ATP9B: variants seen among roughly 807,000 people sequenced by gnomAD.
ATP9B encodes the protein ATPase phospholipid transporting 9B.
Under a neutral mutation model 146.1 loss-of-function variants are expected in ATP9B, and 110 were observed. That is an observed-to-expected ratio of 0.75 (90% CI 0.65 to 0.88). ATP9B has a LOEUF of 0.88. ATP9B is among the 40% of genes least tolerant of loss of function. ATP9B has a pLI of 0.00. For missense variants in ATP9B, 1,499 were observed against 1,496.4 expected, an observed-to-expected ratio of 1.00 and a Z score of -0.03; for synonymous variants, 604 against 569.7, an observed-to-expected ratio of 1.06 and a Z score of -0.86.
At chr18:79,205,433 T>G (rs1223626974) in intron 9 of ATP9B, among the ~76,000 whole-genome samples, 4 of 88,856 alleles carry the variant, frequency 4.5e-5, no homozygotes, top group Non-Finnish European at 9.3e-5. Flanking sequence ...ACATGCAGAT[T>G]ATTTTGGAAA....
chr18:79,293,736 A>C (rs147051667), intron 13 of ATP9B, among the ~76,000 whole-genome samples: 1 of 152,248 alleles, frequency 6.6e-6, no homozygotes, highest in East Asian at 1.9e-4. Flanking sequence ...CCTGGCTCCA[A>C]TTAAGTAACT....
intron 17 of ATP9B, among the ~76,000 whole-genome samples, chr18:79,336,196 C>T (rs1220138788): frequency 7.2e-6 from 1 of 138,508 alleles, no homozygotes; most frequent in Non-Finnish European, 1.7e-5. Context: ...GCGCTCCCCT[C>T]GCCTGTCCCC....
chr18:79,215,433 A>G lies in ATP9B; in HGVS notation c.1107+1395A>G, dbSNP rs893407402. ...ATATCTGTGTGTTACATGTTTGCTA[A>G]AGTCAAAGAAGAATGCTGCGTTACT... On this transcript the variant is annotated intron_variant, in intron 11 of 29. Coordinates refer to ENST00000426216, the MANE Select transcript of ATP9B (RefSeq NM_198531.5). Among the ~76,000 whole-genome samples the G allele has an allele frequency of 2.8e-4, 42 of 152,186 alleles. 1 individual carries two copies. Among genetic ancestry groups the G allele is most frequent in the African/African-American group, 9.7e-4 (40 of 41,446 alleles).
At chr18:79,192,097 A>G (rs2095372177) in intron 8 of ATP9B, among the ~76,000 whole-genome samples, 1 of 152,190 alleles carries the variant, frequency 6.6e-6, no homozygotes, top group Non-Finnish European at 1.5e-5. Context: ...GTTAGGTGTC[A>G]GAATGAGATC....
intron 25 of ATP9B, chr18:79,352,593 C>T (rs1471943049): frequency 6.6e-6 from 1 of 152,340 alleles, no homozygotes; most frequent in African/African-American, 2.4e-5. Context: ...CTCAAAACCT[C>T]TGTTTCAACA....
chr18:79,120,298 A>G (rs1474311553), intron 4 of ATP9B, among the ~76,000 whole-genome samples: 1 of 152,232 alleles, frequency 6.6e-6, no homozygotes, highest in African/African-American at 2.4e-5. Flanking sequence ...CCTCTGAGGC[A>G]TAAAACCATT....
At chr18:79,106,252 G>A (rs147686767) in intron 2 of ATP9B, among the ~76,000 whole-genome samples, 28 of 152,278 alleles carry the variant, frequency 1.8e-4, no homozygotes, top group African/African-American at 6.0e-4. Context: ...AAAGCTCCTA[G>A]TTACTGTCTC....
chr18:79,223,091 A>G (rs1283114471), intron 11 of ATP9B, among the ~76,000 whole-genome samples: 1 of 152,202 alleles, frequency 6.6e-6, no homozygotes, highest in Non-Finnish European at 1.5e-5. Context: ...ATGCTTTCAG[A>G]TGTCTCATTG....
chr18:79,254,087 A>T (rs930857685), intron 12 of ATP9B: 5 of 152,206 alleles, frequency 3.3e-5, no homozygotes, highest in African/African-American at 1.2e-4. Flanking sequence ...TATAAACATA[A>T]ATCCATTTTA....
chr18:79,313,855 A>G (rs1232214431), intron 15 of ATP9B, among the ~76,000 whole-genome samples: 2 of 152,200 alleles, frequency 1.3e-5, no homozygotes, highest in Non-Finnish European at 1.5e-5. Context: ...AAATCCCTAA[A>G]ACGTATTTTA....
chr18:79,345,988 C>A (rs1568770215), intron 23 of ATP9B, 149 bp downstream of exon 23: 1 of 878,316 alleles, frequency 1.1e-6, no homozygotes. Flanking sequence ...AAACACTCAG[C>A]ACATGCTTGG....
chr18:79,102,423 A>G (rs495901), intron 2 of ATP9B, among the ~76,000 whole-genome samples: 9,263 of 152,222 alleles, frequency 0.061, 367 homozygotes, highest in Non-Finnish European at 0.092. Context: ...TGCGTATCCA[A>G]ATATTCTAAT....
At chr18:79,304,042 AGTTCT>A (rs2096607793) in intron 14 of ATP9B, among the ~76,000 whole-genome samples, 1 of 152,200 alleles carries the variant, frequency 6.6e-6, no homozygotes, top group Non-Finnish European at 1.5e-5. Context: ...GTTTTCTAAC[AGTTCT>A]GTTTTTCTCT....
chr18:79,260,537 G>C (rs1318500645), intron 12 of ATP9B, among the ~76,000 whole-genome samples: 1 of 152,156 alleles, frequency 6.6e-6, no homozygotes, highest in African/African-American at 2.4e-5. Flanking sequence ...ATCTGTGTTG[G>C]AGTCTGTTTT....
chr18:79,202,822 A>G (rs2095500801), intron 9 of ATP9B, among the ~76,000 whole-genome samples: 1 of 152,252 alleles, frequency 6.6e-6, no homozygotes, highest in Non-Finnish European at 1.5e-5. Context: ...AAACATTCAT[A>G]TGGAAAAATG....
At chr18:79,152,630 G>T (rs2094708462) in intron 6 of ATP9B, among the ~76,000 whole-genome samples, 1 of 152,156 alleles carries the variant, frequency 6.6e-6, no homozygotes, top group African/African-American at 2.4e-5. Flanking sequence ...CGACAATTCA[G>T]TGGGGAAAGA....
chr18:79,172,984 A>G (rs1169110163), intron 7 of ATP9B, among the ~76,000 whole-genome samples: 3 of 152,142 alleles, frequency 2.0e-5, no homozygotes, highest in African/African-American at 7.2e-5. Context: ...TTTGTTTTAC[A>G]TTCCCACCAG....
chr18:79,207,074 C>A, intron 10 of ATP9B, 62 bp downstream of exon 10: 1 of 1,497,960 alleles, frequency 6.7e-7, no homozygotes, highest in Non-Finnish European at 9.3e-7. Context: ...TTGTTTTGTC[C>A]AGGGACTCCA....
intron 8 of ATP9B, among the ~76,000 whole-genome samples, chr18:79,186,744 A>C (rs9965615): frequency 6.6e-6 from 1 of 152,042 alleles, no homozygotes; most frequent in Non-Finnish European, 1.5e-5. Flanking sequence ...CTAAGCTACT[A>C]TAACAGTTGC....
Sources: gnomAD v4.1 joint callset for allele counts (sites outside exome capture counted in the v4.1 genomes callset) on GRCh38, gnomAD v4.1.1 for gene constraint, MANE v1.5 for transcripts, NCBI Gene and HGNC (gene_info 2026-07-23, HGNC 2026-07-21) for gene names.